The following NUMB variants were observed in gnomAD, a reference collection of about 807,000 sequenced individuals.
NUMB encodes protein numb homolog.
In NUMB, 29 loss-of-function variants were observed where a neutral mutation model predicts 59.7. The ratio of observed to expected loss-of-function variants is 0.49; its 90% CI spans 0.36 to 0.66. The LOEUF (loss-of-function observed/expected upper bound fraction) is 0.66. Ranked by LOEUF, NUMB falls within the 30% of genes least tolerant of loss-of-function variation. NUMB has a pLI of 0.00. For missense variants in NUMB, 723 were observed against 822.0 expected (o/e 0.88, Z 1.47); for synonymous variants, 288 against 288.2 (o/e 1.00, Z 0.01).
chr14:73,365,924 G>T (rs1894324715), intron 3 of NUMB, among the ~76,000 whole-genome samples: 1 of 152,166 alleles, frequency 6.6e-6, no homozygotes, highest in South Asian at 2.1e-4. Context: ...CTGGTTCAAA[G>T]GTCATTCAGT....
chr14:73,290,395 T>C (rs1360324488), intron 8 of NUMB, among the ~76,000 whole-genome samples: 1 of 152,228 alleles, frequency 6.6e-6, no homozygotes, highest in Non-Finnish European at 1.5e-5. Context: ...CACAACCACT[T>C]TCTCCATTTA....
At chr14:73,329,786 G>A (rs1282579440) in intron 4 of NUMB, among the ~76,000 whole-genome samples, 1 of 152,154 alleles carries the variant, frequency 6.6e-6, no homozygotes, top group East Asian at 1.9e-4. Context: ...TTGACCTTGG[G>A]AAGGATACTT....
rs988346497 is a variant in NUMB, at chr14:73,284,511, C to T, written c.656-137G>A. The T allele has an allele frequency of 3.0e-5, 21 of 701,044 alleles. No homozygotes were observed. The African/African-American group carries it at 3.4e-4, about 11-fold the overall frequency. The allele number at this position is 701,044 out of a possible 1,614,324, so 43.4% of individuals were successfully genotyped here. On this transcript the variant is annotated intron_variant, in intron 9 of 12. Coordinates refer to ENST00000555238, the MANE Select transcript of NUMB (RefSeq NM_001005743.2). ...TGTCTCTTAAAACATAAGTTAGAAG[C>T]AGGGTTCGGATCCATTTTTCAGACA...
At chr14:73,377,339 T>C (rs1390751583) in intron 2 of NUMB, among the ~76,000 whole-genome samples, 2 of 152,120 alleles carry the variant, frequency 1.3e-5, no homozygotes, top group Non-Finnish European at 2.9e-5. Context: ...ACATGTCTGA[T>C]AAAGGACTAT....
intron 3 of NUMB, among the ~76,000 whole-genome samples, chr14:73,361,475 T>C (rs1250075097): frequency 6.6e-6 from 1 of 152,166 alleles, no homozygotes; most frequent in Non-Finnish European, 1.5e-5. Flanking sequence ...TTTTTAACTT[T>C]TATTTTCAGT....
Position 73,310,243 on chromosome 14 carries a change from A to G in NUMB, c.234+6147T>C, listed in dbSNP as rs1890702788. Among the ~76,000 whole-genome samples the G allele has an allele frequency of 1.3e-5, 2 of 152,230 alleles. 1 individual carries two copies. The highest frequency in any genetic ancestry group is 4.1e-4 in the South Asian group (2 of 4,830). On this transcript the variant is annotated intron_variant, in intron 6 of 12. Transcript: ENST00000555238. The stretch of plus-strand genomic sequence containing the variant: ...ATTGTGGCGAATAGGCAAAGGGCAT[A>G]GCTGCTACTCAGGTCAGGAAACTGT...
chr14:73,278,721 C>A lies in NUMB; in HGVS notation c.1240+560G>T, dbSNP rs935542050. On this transcript the variant is annotated intron_variant, in intron 12 of 12. Coordinates refer to ENST00000555238, the MANE Select transcript of NUMB (RefSeq NM_001005743.2). ...ATTCTCTGAGGTGGGGCCCTGGAAT[C>A]TTTTTTTTTTTTTTTTTTTTTTTTG... Among the ~76,000 whole-genome samples, 13 of 58,062 alleles carry A rather than the reference C, an allele frequency of 2.2e-4. No individual in the cohort carries two copies. The South Asian group carries it at 7.0e-3, about 31-fold the overall frequency. 38.1% of individuals were successfully genotyped at this position (58,062 alleles called of 152,430 possible). A position where few individuals can be genotyped will look rare whatever the true frequency, so the allele number is the denominator to read the frequency against.
intron 8 of NUMB, among the ~76,000 whole-genome samples, chr14:73,289,094 C>T (rs896390202): frequency 1.3e-5 from 2 of 152,198 alleles, no homozygotes; most frequent in Admixed American, 1.3e-4. Flanking sequence ...TCTGAATCCC[C>T]CCTCTAAGCA....
chr14:73,406,825 T>C (rs1342872193), intron 2 of NUMB, among the ~76,000 whole-genome samples: 1 of 152,126 alleles, frequency 6.6e-6, no homozygotes, highest in Admixed American at 6.5e-5. Flanking sequence ...GGTTTTGATT[T>C]GCATTTCTCT....
intron 2 of NUMB, among the ~76,000 whole-genome samples, chr14:73,396,323 T>G (rs766554264): frequency 0.021 from 824 of 39,938 alleles, 6 homozygotes; most frequent in South Asian, 0.056. Context: ...TTATTAGGGG[T>G]GTGTGTGTGT....
intron 4 of NUMB, among the ~76,000 whole-genome samples, chr14:73,337,148 A>AG (rs1892368087): frequency 6.6e-6 from 1 of 152,012 alleles, no homozygotes; most frequent in Non-Finnish European, 1.5e-5. Context: ...AAAAAAAAAA[A>AG]TCATAATCAT....
intron 2 of NUMB, among the ~76,000 whole-genome samples, chr14:73,383,084 T>C (rs1337332554): frequency 6.6e-6 from 1 of 152,208 alleles, no homozygotes; most frequent in Non-Finnish European, 1.5e-5. Flanking sequence ...AGGCAGAGGT[T>C]GCAGTGAGCT....
chr14:73,284,439 G>A (rs1363946910), intron 9 of NUMB, 65 bp from the exon 10 acceptor site: 2 of 1,416,928 alleles, frequency 1.4e-6, no homozygotes, highest in Non-Finnish European at 1.9e-6. Context: ...TTAGAGAGCT[G>A]ACAAATTCGA....
chr14:73,377,923 C>T (rs1373906586), intron 2 of NUMB, among the ~76,000 whole-genome samples: 1 of 151,638 alleles, frequency 6.6e-6, no homozygotes, highest in Non-Finnish European at 1.5e-5. Flanking sequence ...GCTGAGATTG[C>T]GCCACTGCCA....
At chr14:73,443,776 GA>G (rs1369180423) in intron 1 of NUMB, among the ~76,000 whole-genome samples, 2 of 151,858 alleles carry the variant, frequency 1.3e-5, no homozygotes, top group African/African-American at 4.8e-5. Context: ...ACAGCCTCCC[GA>G]GTGGCTGGGA....
intron 1 of NUMB, among the ~76,000 whole-genome samples, chr14:73,454,211 A>C (rs1566805400): frequency 6.6e-6 from 1 of 151,752 alleles, no homozygotes; most frequent in African/African-American, 2.4e-5. Flanking sequence ...TAAAAGTTGA[A>C]TTTTTTTTTA....
In NUMB at chr14:73,370,489, C is replaced by T. The variant is rs558456373; in HGVS notation, c.-100-3508G>A. Among the ~76,000 whole-genome samples, 21 of 152,176 alleles carry T rather than the reference C, an allele frequency of 1.4e-4. 1 individual carries two copies. Among genetic ancestry groups the T allele is most frequent in the South Asian group, 1.2e-3 (6 of 4,820 alleles). ...GGTGGAGCACCTAAGGTCGGGAGTTCGAGACCAGCCTGACCAACATGGAGA... is the reference window on the plus strand; with the variant it reads ...GGTGGAGCACCTAAGGTCGGGAGTTTGAGACCAGCCTGACCAACATGGAGA... On this transcript the variant is annotated intron_variant, in intron 2 of 12. Coordinates refer to ENST00000555238, the MANE Select transcript of NUMB (RefSeq NM_001005743.2).
At chr14:73,318,219 T>C (rs1177591883) in intron 5 of NUMB, among the ~76,000 whole-genome samples, 1 of 152,212 alleles carries the variant, frequency 6.6e-6, no homozygotes, top group Non-Finnish European at 1.5e-5. Flanking sequence ...ATTGTTAATA[T>C]TTAATTTAGC....
chr14:73,438,990 T>C (rs1241106647), intron 1 of NUMB, among the ~76,000 whole-genome samples: 1 of 152,172 alleles, frequency 6.6e-6, no homozygotes, highest in African/African-American at 2.4e-5. Flanking sequence ...ACTTATCAAA[T>C]GAAGTCAAAG....
Sources: allele counts gnomAD v4.1 joint callset (sites outside exome capture counted in the v4.1 genomes callset), GRCh38; gene constraint gnomAD v4.1.1; transcripts MANE v1.5; gene names NCBI Gene and HGNC (gene_info 2026-07-23, HGNC 2026-07-21).